MAGI3: variants seen among roughly 807,000 people sequenced by gnomAD.
The protein encoded by MAGI3 is membrane associated guanylate kinase, WW and PDZ domain containing 3, also known as membrane-associated guanylate kinase, WW and PDZ domain-containing protein 3.
MAGI3 carries 43 observed loss-of-function variants against 121.8 expected under a neutral mutation model. The ratio of observed to expected loss-of-function variants is 0.35; its 90% CI spans 0.28 to 0.46. The LOEUF (loss-of-function observed/expected upper bound fraction) is 0.46, where lower values mean the gene tolerates loss of function less well. Among genes scored for constraint, MAGI3 ranks in the 20% least tolerant of loss-of-function variants. MAGI3 has a pLI of 1.00. For missense variants in MAGI3, 1,547 were observed against 1,797.3 expected, an observed-to-expected ratio of 0.86 and a Z score of 2.52; for synonymous variants, 553 against 639.3, an observed-to-expected ratio of 0.86 and a Z score of 2.04.
chr1:113,480,710 T>A (rs1656069233), intron 1 of MAGI3, among the ~76,000 whole-genome samples: 1 of 152,206 alleles, frequency 6.6e-6, no homozygotes, highest in East Asian at 1.9e-4. Context: ...CATGCTTCAC[T>A]GAGGTGCTAT....
At chr1:113,392,827 G>T (rs1320726303) in intron 1 of MAGI3, among the ~76,000 whole-genome samples, 2 of 152,082 alleles carry the variant, frequency 1.3e-5, no homozygotes, top group Non-Finnish European at 2.9e-5. Flanking sequence ...GACTTTTGGG[G>T]CTGTAATTCA....
In MAGI3 at chr1:113,685,179, A is replaced by G. The variant is rs948531994; in HGVS notation, c.*1165A>G. On this transcript the variant is annotated 3_prime_UTR_variant, in exon 21 of 21. Coordinates refer to ENST00000307546, the MANE Select transcript of MAGI3 (RefSeq NM_001142782.2). ...TCTTATTTAAAAACAAGAAAGGGAGACTAAACATCTGCTTAACTTGTACAC... is the reference window on the plus strand; with the variant it reads ...TCTTATTTAAAAACAAGAAAGGGAGGCTAAACATCTGCTTAACTTGTACAC... The G allele has an allele frequency of 1.1e-4, 17 of 152,390 alleles. No individual in the cohort carries two copies. The highest frequency in any genetic ancestry group is 2.1e-4 in the Non-Finnish European group (14 of 68,044). The allele number at this position is 152,390 out of a possible 1,614,324, so 9.4% of individuals were successfully genotyped here.
intron 1 of MAGI3, among the ~76,000 whole-genome samples, chr1:113,448,977 G>T (rs1024160357): frequency 1.3e-5 from 2 of 152,034 alleles, no homozygotes; most frequent in Non-Finnish European, 1.5e-5. Context: ...AATTAGCCCA[G>T]CGTGGTGGTG....
At chr1:113,659,709 G>A (rs1458186254) in intron 16 of MAGI3, among the ~76,000 whole-genome samples, 1 of 152,144 alleles carries the variant, frequency 6.6e-6, no homozygotes, top group African/African-American at 2.4e-5. Flanking sequence ...CTGGGCAGCC[G>A]CTTTGTAAAC....
intron 2 of MAGI3, among the ~76,000 whole-genome samples, chr1:113,579,477 G>C (rs1346534119): frequency 2.0e-5 from 3 of 152,180 alleles, no homozygotes; most frequent in Non-Finnish European, 4.4e-5. Context: ...AGATCACAAA[G>C]GGCTTTGTAA....
At chr1:113,637,287 T>G (rs1365297147) in intron 9 of MAGI3, among the ~76,000 whole-genome samples, 3 of 152,214 alleles carry the variant, frequency 2.0e-5, no homozygotes, top group Non-Finnish European at 4.4e-5. Context: ...GTTCGCTGGT[T>G]ATTTTGCTCG....
At chr1:113,484,923 G>A (rs1656308291) in intron 1 of MAGI3, among the ~76,000 whole-genome samples, 1 of 151,368 alleles carries the variant, frequency 6.6e-6, no homozygotes, top group South Asian at 2.1e-4. Flanking sequence ...TAGTAGAGAT[G>A]GGGTTTCACC....
At chr1:113,615,252 A>G (rs984322782) in intron 7 of MAGI3, among the ~76,000 whole-genome samples, 4 of 152,164 alleles carry the variant, frequency 2.6e-5, no homozygotes, top group African/African-American at 7.2e-5. Context: ...GCTAATATCA[A>G]TGTCTAATTT....
chr1:113,402,516 T>G (rs1651460985), intron 1 of MAGI3, among the ~76,000 whole-genome samples: 1 of 152,166 alleles, frequency 6.6e-6, no homozygotes, highest in African/African-American at 2.4e-5. Context: ...AGTAAAATGT[T>G]TCTGAATAGT....
chr1:113,661,886 A>G (rs1338604032), intron 16 of MAGI3, among the ~76,000 whole-genome samples: 1 of 152,156 alleles, frequency 6.6e-6, no homozygotes, highest in Non-Finnish European at 1.5e-5. Context: ...TTTTTAAACT[A>G]TGAAAACATC....
chr1:113,434,737 TCAA>T (rs1210913611), intron 1 of MAGI3, among the ~76,000 whole-genome samples: 1 of 152,240 alleles, frequency 6.6e-6, no homozygotes, highest in Non-Finnish European at 1.5e-5. Flanking sequence ...CTTTTGCTGT[TCAA>T]CAAATATTTA....
intron 5 of MAGI3, among the ~76,000 whole-genome samples, chr1:113,593,118 A>G (rs1054993723): frequency 6.6e-6 from 1 of 152,200 alleles, no homozygotes; most frequent in Admixed American, 6.6e-5. Context: ...GTTACAAAAG[A>G]TATAGAAGAT....
intron 7 of MAGI3, 99 bp from the exon 8 acceptor site, chr1:113,619,637 G>T (rs1395862544): frequency 3.9e-6 from 3 of 775,234 alleles, no homozygotes; most frequent in Admixed American, 2.3e-5. Context: ...ATACATATTT[G>T]TCCCCTAATC....
intron 19 of MAGI3, 69 bp from the exon 20 acceptor site, chr1:113,681,129 A>G: frequency 6.4e-7 from 1 of 1,563,834 alleles, no homozygotes; most frequent in Non-Finnish European, 8.7e-7. Flanking sequence ...ATGGCTCAAG[A>G]GCTGACAAAA....
In MAGI3 at chr1:113,585,484, A is replaced by G. The variant is rs745446673; in HGVS notation, c.651A>G (p.Glu217=). 8 of 1,614,146 alleles carry G rather than the reference A, an allele frequency of 5.0e-6. No homozygotes were observed. Among genetic ancestry groups the G allele is most frequent in the African/African-American group, 2.7e-5 (2 of 75,050 alleles). The change falls in exon 4 of 21, where the codon GAA becomes GAG. Residue 217 remains glutamate (E), a synonymous_variant. Coordinates refer to ENST00000307546, the MANE Select transcript of MAGI3 (RefSeq NM_001142782.2). ...TCTTTGATAATGAGTTTGATGCAGAATCTCAAAGAAAACGAACGACATCTG... is the reference window on the plus strand; with the variant it reads ...TCTTTGATAATGAGTTTGATGCAGAGTCTCAAAGAAAACGAACGACATCTG... ...QVLFDNEFDA[E]SQRKRTTSVS...
At chr1:113,484,424 C>T (rs1656251834) in intron 1 of MAGI3, among the ~76,000 whole-genome samples, 1 of 152,024 alleles carries the variant, frequency 6.6e-6, no homozygotes, top group Non-Finnish European at 1.5e-5. Flanking sequence ...CTCCAGTCCC[C>T]AAAGTTCAAT....
chr1:113,523,770 T>A (rs1474258225), intron 1 of MAGI3, among the ~76,000 whole-genome samples: 1 of 152,196 alleles, frequency 6.6e-6, no homozygotes, highest in Non-Finnish European at 1.5e-5. Flanking sequence ...AATCCCATTT[T>A]CTGAGGAGAA....
At chr1:113,448,188 A>G (rs1229361109) in intron 1 of MAGI3, among the ~76,000 whole-genome samples, 1 of 152,220 alleles carries the variant, frequency 6.6e-6, no homozygotes, top group African/African-American at 2.4e-5. Flanking sequence ...GCTGAAAGTC[A>G]TATCTGGGCT....
chr1:113,476,097 A>G (rs1275737145), intron 1 of MAGI3, among the ~76,000 whole-genome samples: 1 of 151,114 alleles, frequency 6.6e-6, no homozygotes, highest in South Asian at 2.1e-4. Context: ...TTTTTATTGC[A>G]TCTATTTGAT....
Sources: allele counts gnomAD v4.1 joint callset (sites outside exome capture counted in the v4.1 genomes callset), GRCh38; gene constraint gnomAD v4.1.1; transcripts MANE v1.5; gene names NCBI Gene and HGNC (gene_info 2026-07-23, HGNC 2026-07-21).